The following TG variants were observed in gnomAD, a reference collection of about 807,000 sequenced individuals.
The protein encoded by TG is thyroglobulin, also known as thyroid hormones.
TG carries 270 observed loss-of-function variants against 324.7 expected under a neutral mutation model. The observed-to-expected ratio is 0.83, with a 90% CI of 0.75 to 0.92. The LOEUF is 0.92. Ranked by LOEUF, TG falls within the 40% of genes least tolerant of loss-of-function variation. The pLI is 0.00. For missense variants in TG, 3,591 were observed against 3,456.4 expected, an observed-to-expected ratio of 1.04 and a Z score of -0.98; for synonymous variants, 1,401 against 1,327.0, an observed-to-expected ratio of 1.06 and a Z score of -1.21.
intron 5 of TG, among the ~76,000 whole-genome samples, chr8:132,879,330 G>A (rs540065123): frequency 2.6e-5 from 4 of 152,296 alleles, no homozygotes; most frequent in Admixed American, 1.3e-4. Flanking sequence ...GTTGTTGAAC[G>A]AGCACTGGAA....
chr8:133,058,626 G>A (rs571447882), intron 41 of TG, among the ~76,000 whole-genome samples: 174 of 152,312 alleles, frequency 1.1e-3, no homozygotes, highest in Non-Finnish European at 1.9e-3. Context: ...ATGACCAGAG[G>A]AGGAGGCTGT....
intron 34 of TG, 45 bp downstream of exon 34, chr8:132,972,786 C>T (rs371627990): frequency 3.1e-6 from 5 of 1,612,342 alleles, no homozygotes; most frequent in Non-Finnish European, 4.2e-6. Context: ...CTTTAGTTAA[C>T]TATTTCCCAG....
intron 41 of TG, among the ~76,000 whole-genome samples, chr8:133,059,626 C>G (rs1039488896): frequency 5.9e-5 from 9 of 152,004 alleles, no homozygotes; most frequent in Non-Finnish European, 1.3e-4. Context: ...GAAGATGTCA[C>G]AGGATGGTGC....
intron 16 of TG, 34 bp downstream of exon 16, chr8:132,901,587 CT>C (rs765122496): frequency 6.3e-7 from 1 of 1,597,350 alleles, no homozygotes; most frequent in African/African-American, 1.3e-5. Flanking sequence ...ACGACGAGGC[CT>C]GCATATCTGT....
chr8:132,976,425 T>A (rs1018119887), intron 34 of TG, among the ~76,000 whole-genome samples: 1 of 152,224 alleles, frequency 6.6e-6, no homozygotes, highest in Non-Finnish European at 1.5e-5. Context: ...TCATTACTGT[T>A]GCAATGGCAA....
At chr8:133,071,923 A>G (rs1423668094) in intron 41 of TG, among the ~76,000 whole-genome samples, 1 of 152,212 alleles carries the variant, frequency 6.6e-6, no homozygotes, top group Non-Finnish European at 1.5e-5. Flanking sequence ...TGTCTGGCAC[A>G]TAATGCAAGC....
chr8:133,029,832 G>T lies in TG; in HGVS notation c.7048G>T (p.Val2350Leu). The change falls in exon 41 of 48, where the codon GTG (valine) becomes TTG (leucine). Residue 2350 changes from valine (V) to leucine (L), a missense_variant. Physicochemically the swap from Val to Leu is conservative, Grantham distance 32. Transcript: ENST00000220616. ...CCTCTTTTCTGAAGGGTCCGGAGAG[G>T]TGAGTGGCAACTGGGGGCTGCTGGA... is the stretch of plus-strand genomic sequence containing the variant. ...FGFLSSGSGE[V>L]SGNWGLLDQV... The T allele has an allele frequency of 6.2e-7, 1 of 1,614,144 alleles. No homozygotes were observed. The highest frequency in any genetic ancestry group is 8.5e-7 in the Non-Finnish European group (1 of 1,179,962).
At chr8:132,909,579 T>C (rs1191115796) in intron 18 of TG, among the ~76,000 whole-genome samples, 2 of 152,150 alleles carry the variant, frequency 1.3e-5, no homozygotes, top group African/African-American at 4.8e-5. Flanking sequence ...TCAGAGCTTC[T>C]AAGAAGGGAG....
chr8:132,935,768 C>A lies in TG; in HGVS notation c.4945C>A (p.Leu1649Met). 1 of 1,612,820 alleles carries A rather than the reference C, an allele frequency of 6.2e-7. No homozygotes were observed. The highest frequency in any genetic ancestry group is 8.5e-7 in the Non-Finnish European group (1 of 1,179,894). Reference sequence around the variant, plus strand: ...TTTCCATCTCCAGAAACGAGATGCACTGGGGAACTCAAAGGCCACCAGCTT... The same window carrying A: ...TTTCCATCTCCAGAAACGAGATGCAATGGGGAACTCAAAGGCCACCAGCTT... Reference protein sequence around the residue: ...CMTSDQKRDALGNSKATSFGS... With the variant: ...CMTSDQKRDAMGNSKATSFGS... The change falls in exon 25 of 48, where the codon CTG (leucine) becomes ATG (methionine). Residue 1649 changes from leucine to methionine, a missense_variant. By Grantham distance (15) the Leu-to-Met change is conservative (BLOSUM62 2). Coordinates refer to ENST00000220616, the MANE Select transcript of TG (RefSeq NM_003235.5).
chr8:133,059,830 G>T (rs753255799), intron 41 of TG, among the ~76,000 whole-genome samples: 7 of 152,158 alleles, frequency 4.6e-5, no homozygotes, highest in Non-Finnish European at 8.8e-5. Flanking sequence ...TCCCTATCTG[G>T]AAAATAAAGT....
rs1787272831 is a variant in TG, at chr8:132,893,822, T to A, written c.2894T>A (p.Leu965Gln). Residue 965 changes from leucine to glutamine, a missense_variant, in exon 11 of 48, where the codon CTG becomes CAG. Physicochemically the swap from Leu to Gln is moderately radical, Grantham distance 113 (BLOSUM62 -2). Transcript: ENST00000220616. ...TTCCTGGTGGCCAAGGGAATCCGGCTGAGGAATGAGGACCTCGGCCTTCCT... is the reference window on the plus strand; with the variant it reads ...TTCCTGGTGGCCAAGGGAATCCGGCAGAGGAATGAGGACCTCGGCCTTCCT... ...ESFLVAKGIR[L>Q]RNEDLGLPPL... 1.2e-6 allele frequency: 2 copies of A among 1,613,916 alleles called. No individual in the cohort carries two copies. The highest frequency in any genetic ancestry group is 1.3e-5 in the African/African-American group (1 of 74,868).
At chr8:132,945,059 C>T (rs1470526531) in intron 26 of TG, among the ~76,000 whole-genome samples, 1 of 152,128 alleles carries the variant, frequency 6.6e-6, no homozygotes, top group African/African-American at 2.4e-5. Context: ...TGTTTTTATT[C>T]TAATAACGAC....
chr8:133,097,557 A>C (rs1364121803), intron 43 of TG, among the ~76,000 whole-genome samples: 2 of 152,350 alleles, frequency 1.3e-5, no homozygotes, highest in East Asian at 3.9e-4. Flanking sequence ...ATGACAAAAA[A>C]CATGTAGAGG....
In TG at chr8:132,894,348, C is replaced by T. The variant is rs138858953; in HGVS notation, c.3001+419C>T. Among the ~76,000 whole-genome samples, 729 of 152,226 alleles carry T rather than the reference C, an allele frequency of 4.8e-3. 5 individuals carry two copies. Among genetic ancestry groups the T allele is most frequent in the Non-Finnish European group, 8.4e-3 (569 of 68,024 alleles). ...TTAAGTAACTATGACACATTGATCT[C>T]ATCTGATCCTGAGAGTAACTCCAAA... is the stretch of plus-strand genomic sequence containing the variant. On this transcript the variant is annotated intron_variant, in intron 11 of 47. Transcript: ENST00000220616.
chr8:133,001,225 G>GT (rs34052396), intron 35 of TG, among the ~76,000 whole-genome samples: 1 of 151,996 alleles, frequency 6.6e-6, no homozygotes, highest in African/African-American at 2.4e-5. Flanking sequence ...GTGAATTTTG[G>GT]GGGGGACACA....
intron 32 of TG, among the ~76,000 whole-genome samples, chr8:132,970,122 AT>A (rs1277680972): frequency 2.0e-5 from 3 of 152,182 alleles, no homozygotes; most frequent in Admixed American, 2.0e-4. Flanking sequence ...ACTAAATTTG[AT>A]TGTCAAAACC....
At position 132,886,521 on chromosome 8, in the gene TG, C is replaced by G. The variant is rs553100709; in HGVS notation, c.1149C>G (p.Phe383Leu). Residue 383 changes from phenylalanine to leucine, a missense_variant, in exon 9 of 48, where the codon TTC (phenylalanine) becomes TTG (leucine). Transcript: ENST00000220616. ...TCTACTTTGGGACCTCAGGCTACTT[C>G]AGCCAGCACGACCTGTTCTCTTCCC... Reference protein sequence around the residue: ...SRLYFGTSGYFSQHDLFSSPE... With the variant: ...SRLYFGTSGYLSQHDLFSSPE... The G allele has an allele frequency of 2.5e-6, 4 of 1,614,198 alleles. No homozygotes were observed. The highest frequency in any genetic ancestry group is 3.4e-6 in the Non-Finnish European group (4 of 1,180,036).
intron 35 of TG, among the ~76,000 whole-genome samples, chr8:133,001,109 G>T (rs1232633499): frequency 6.6e-6 from 1 of 152,102 alleles, no homozygotes; most frequent in East Asian, 1.9e-4. Context: ...GACCACCATT[G>T]GATTAAGGCC....
chr8:132,912,945 C>A, intron 19 of TG, 102 bp from the exon 20 acceptor site: 1 of 1,103,456 alleles, frequency 9.1e-7, no homozygotes, highest in South Asian at 1.3e-5. Context: ...GCCTATGTCT[C>A]ATTCCAGTCT....
Sources: allele counts gnomAD v4.1 joint callset (sites outside exome capture counted in the v4.1 genomes callset), GRCh38; gene constraint gnomAD v4.1.1; transcripts MANE v1.5; gene names NCBI Gene and HGNC (gene_info 2026-07-23, HGNC 2026-07-21).